Variants in CPE observed in about 807,000 individuals in gnomAD.
The protein encoded by CPE is carboxypeptidase E.
A neutral mutation model predicts 53.5 loss-of-function variants in CPE; 17 were observed. The observed-to-expected ratio is 0.32, with a 90% CI of 0.22 to 0.48. The LOEUF (loss-of-function observed/expected upper bound fraction) is 0.48, where lower values mean the gene tolerates loss of function less well. CPE is among the 20% of genes least tolerant of loss of function. The pLI is 0.99. For missense variants in CPE, 524 were observed against 614.7 expected, an observed-to-expected ratio of 0.85 and a Z score of 1.56; for synonymous variants, 226 against 228.8, an observed-to-expected ratio of 0.99 and a Z score of 0.11.
At chr4:165,494,648 C>T (rs909994814) in intron 7 of CPE, among the ~76,000 whole-genome samples, 2 of 152,106 alleles carry the variant, frequency 1.3e-5, no homozygotes, top group African/African-American at 4.8e-5. Flanking sequence ...GGGTCCAAGA[C>T]AGAATAAGAA....
At chr4:165,388,869 A>AT (rs1027571827) in intron 1 of CPE, among the ~76,000 whole-genome samples, 5 of 152,062 alleles carry the variant, frequency 3.3e-5, no homozygotes, top group African/African-American at 1.2e-4. Flanking sequence ...TTCAGCACAG[A>AT]TTTTTTTTCT....
At chr4:165,385,138 G>A (rs891871713) in intron 1 of CPE, among the ~76,000 whole-genome samples, 2 of 152,106 alleles carry the variant, frequency 1.3e-5, no homozygotes, top group Admixed American at 6.5e-5. Context: ...TCACAGGATC[G>A]CTGTGAGGCC....
chr4:165,464,728 A>C (rs1732070017), intron 2 of CPE, 142 bp downstream of exon 2: 1 of 607,626 alleles, frequency 1.6e-6, no homozygotes, highest in African/African-American at 1.9e-5. Context: ...TCATTATTCA[A>C]CTCACCAGTA....
At chr4:165,485,591 C>T (rs1247005081) in intron 5 of CPE, among the ~76,000 whole-genome samples, 1 of 152,066 alleles carries the variant, frequency 6.6e-6, no homozygotes, top group Non-Finnish European at 1.5e-5. Context: ...ATGTCTAGTA[C>T]ATCAGATGGG....
intron 3 of CPE, among the ~76,000 whole-genome samples, chr4:165,479,532 T>A (rs1732364903): frequency 6.6e-6 from 1 of 152,156 alleles, no homozygotes; most frequent in Admixed American, 6.5e-5. Flanking sequence ...AACGAATGAA[T>A]GAAATGGAAA....
At chr4:165,441,069 T>C (rs3857014) in intron 1 of CPE, among the ~76,000 whole-genome samples, 94,377 of 152,032 alleles carry the variant, frequency 0.62, 30,210 homozygotes, top group African/African-American at 0.79. Context: ...GAGTTAGATC[T>C]TGACTGCACA....
chr4:165,379,322 CG>C lies in CPE; in HGVS notation c.103del (p.Ala35ArgfsTer3), dbSNP rs1416942304. On this transcript the variant is annotated frameshift_variant, in exon 1 of 9. Transcript: ENST00000402744. LOFTEE classifies it high-confidence loss of function. This position sits in a 1 kb window ranked among gnomAD's most constrained non-coding sequence, Gnocchi z 6.0. The part of the protein sequence containing the change: ...GAEAQEPGAP[A>X]AGMRRRRRLQ... Reference sequence around the variant, plus strand: ...GAAGCCCAGGAGCCCGGGGCGCCCGCGGCGGGCATGAGGCGGCGCCGGCGGC... The same window carrying C: ...GAAGCCCAGGAGCCCGGGGCGCCCGCGCGGGCATGAGGCGGCGCCGGCGGC... The C allele has an allele frequency of 1.9e-6, 3 of 1,565,808 alleles. No individual in the cohort carries two copies. In the African/African-American group the frequency reaches 4.1e-5, roughly 21 times the overall value.
intron 1 of CPE, among the ~76,000 whole-genome samples, chr4:165,429,296 G>T (rs147307309): frequency 9.5e-4 from 144 of 152,056 alleles, no homozygotes; most frequent in Middle Eastern, 3.4e-3. Context: ...ATTCTTTGGG[G>T]GCAATTAGGT....
At chr4:165,464,299 A>G in intron 1 of CPE, 91 bp from the exon 2 acceptor site, 1 of 1,052,110 alleles carries the variant, frequency 9.5e-7, no homozygotes, top group Non-Finnish European at 1.3e-6. Context: ...GAAAAAACCC[A>G]TCAGATATTC....
At chr4:165,459,707 GGA>G (rs1366252051) in intron 1 of CPE, among the ~76,000 whole-genome samples, 2 of 144,544 alleles carry the variant, frequency 1.4e-5, no homozygotes, top group Admixed American at 6.9e-5. Context: ...GAGGTCAGGA[GGA>G]GTTCGAGACC....
chr4:165,447,202 C>T (rs1579265560), intron 1 of CPE, among the ~76,000 whole-genome samples: 1 of 152,186 alleles, frequency 6.6e-6, no homozygotes, highest in Admixed American at 6.5e-5. Context: ...ATGAATGTGA[C>T]GGCCTAGGAC....
chr4:165,446,937 A>G (rs1269882043), intron 1 of CPE, among the ~76,000 whole-genome samples: 2 of 152,234 alleles, frequency 1.3e-5, no homozygotes, highest in African/African-American at 2.4e-5. Flanking sequence ...TTGTCATTGA[A>G]TGAACATCAG....
chr4:165,394,704 G>T (rs776660888), intron 1 of CPE, among the ~76,000 whole-genome samples: 4 of 152,018 alleles, frequency 2.6e-5, no homozygotes, highest in Non-Finnish European at 4.4e-5. Flanking sequence ...GCAAGATTCT[G>T]CCCCTATTAA....
At chr4:165,411,129 G>A (rs1731037248) in intron 1 of CPE, among the ~76,000 whole-genome samples, 1 of 152,132 alleles carries the variant, frequency 6.6e-6, no homozygotes, top group African/African-American at 2.4e-5. Flanking sequence ...CTGAGAGTTG[G>A]CCTCTTTCTC....
intron 1 of CPE, among the ~76,000 whole-genome samples, chr4:165,389,925 C>T (rs1730653578): frequency 6.6e-6 from 1 of 152,180 alleles, no homozygotes; most frequent in African/African-American, 2.4e-5. Flanking sequence ...AGTGACTGCA[C>T]ATTTCAGAGT....
chr4:165,409,102 G>A (rs2126666647), intron 1 of CPE, among the ~76,000 whole-genome samples: 1 of 152,288 alleles, frequency 6.6e-6, no homozygotes, highest in Middle Eastern at 3.4e-3. Context: ...CAAGTATATG[G>A]CGGAGTGGGT....
chr4:165,473,758 G>T (rs113066965), intron 3 of CPE, among the ~76,000 whole-genome samples: 917 of 86,890 alleles, frequency 0.011, 6 homozygotes, highest in African/African-American at 0.039. Context: ...TTATGTGGCA[G>T]AATTTGGAGG....
chr4:165,416,701 C>T (rs113323370), intron 1 of CPE, among the ~76,000 whole-genome samples: 13 of 151,746 alleles, frequency 8.6e-5, no homozygotes, highest in Admixed American at 1.3e-4. Context: ...TTGATTCCCC[C>T]GGCCTGGGTT....
chr4:165,493,520 A>C (rs764465392), intron 7 of CPE, among the ~76,000 whole-genome samples: 5 of 152,134 alleles, frequency 3.3e-5, no homozygotes, highest in Non-Finnish European at 5.9e-5. Flanking sequence ...ATCTCGCCCC[A>C]GAGCTGGGAG....
Sources: allele counts gnomAD v4.1 joint callset (sites outside exome capture counted in the v4.1 genomes callset), GRCh38; gene constraint gnomAD v4.1.1; non-coding constraint Gnocchi (gnomAD v3.1); transcripts MANE v1.5; gene names NCBI Gene and HGNC (gene_info 2026-07-23, HGNC 2026-07-21).